The following SOX5 variants were observed in gnomAD, a reference collection of about 807,000 sequenced individuals.
SOX5 encodes SRY-box transcription factor 5, also known as transcription factor SOX-5.
In SOX5, 9 loss-of-function variants were observed where a neutral mutation model predicts 92.0. The observed-to-expected ratio is 0.10, with a 90% CI of 0.06 to 0.17. The LOEUF is 0.17. SOX5 is among the 10% of genes least tolerant of loss of function. SOX5 has a pLI of 1.00. For missense variants in SOX5, 642 were observed against 944.5 expected, an observed-to-expected ratio of 0.68 and a Z score of 4.20; for synonymous variants, 344 against 336.3, an observed-to-expected ratio of 1.02 and a Z score of -0.25.
intron 13 of SOX5, among the ~76,000 whole-genome samples, chr12:23,541,880 G>C (rs192040257): frequency 6.6e-6 from 1 of 152,208 alleles, no homozygotes; most frequent in Admixed American, 6.5e-5. Flanking sequence ...GGAGGCCAAG[G>C]TGGGCGGATC....
At chr12:23,956,086 A>C (rs1228391360) in intron 4 of SOX5, among the ~76,000 whole-genome samples, 1 of 152,180 alleles carries the variant, frequency 6.6e-6, no homozygotes, top group Non-Finnish European at 1.5e-5. Flanking sequence ...ACCTGAGGTA[A>C]GTATGAAAAT....
intron 1 of SOX5, among the ~76,000 whole-genome samples, chr12:24,381,748 T>C (rs1957853297): frequency 6.6e-6 from 1 of 152,196 alleles, no homozygotes; most frequent in African/African-American, 2.4e-5. Flanking sequence ...AGTTTTTTGT[T>C]CAAATATCAA....
chr12:24,159,357 C>T (rs1157876028), intron 4 of SOX5, among the ~76,000 whole-genome samples: 1 of 151,892 alleles, frequency 6.6e-6, no homozygotes, highest in Non-Finnish European at 1.5e-5. Context: ...ATTCAACTCT[C>T]TGTTCTTAAA....
intron 1 of SOX5, among the ~76,000 whole-genome samples, chr12:23,947,731 G>A (rs2139743643): frequency 6.6e-6 from 1 of 151,416 alleles, no homozygotes; most frequent in South Asian, 2.1e-4. Context: ...CCACCAGGAG[G>A]AAAAAAGATG....
chr12:24,544,090 A>C (rs1449975633), intron 1 of SOX5, among the ~76,000 whole-genome samples: 1 of 152,214 alleles, frequency 6.6e-6, no homozygotes, highest in Non-Finnish European at 1.5e-5. Context: ...AAGAAATTTA[A>C]AGCAACCAGT....
chr12:24,558,380 G>A (rs185425334), intron 1 of SOX5, among the ~76,000 whole-genome samples: 4 of 152,140 alleles, frequency 2.6e-5, no homozygotes, highest in East Asian at 1.9e-4. Flanking sequence ...GCGAAATTCC[G>A]CTAACTCATA....
At chr12:24,439,283 A>G (rs1184308058) in intron 1 of SOX5, among the ~76,000 whole-genome samples, 1 of 152,244 alleles carries the variant, frequency 6.6e-6, no homozygotes, top group Non-Finnish European at 1.5e-5. Context: ...GCATAAACAA[A>G]ACATTTATAT....
intron 2 of SOX5, among the ~76,000 whole-genome samples, chr12:23,892,772 A>G (rs1257386092): frequency 6.6e-6 from 1 of 152,262 alleles, no homozygotes; most frequent in African/African-American, 2.4e-5. Context: ...AAACTGTACT[A>G]ACTTCTAGAA....
chr12:24,098,351 A>G lies in SOX5; in HGVS notation c.-2+114992T>C, dbSNP rs546518078. 5.9e-5 allele frequency among the ~76,000 whole-genome samples: 9 copies of G among 152,214 alleles called. No homozygotes were observed. In the South Asian group the frequency reaches 1.9e-3, roughly 32 times the overall value. ...GTCCACTATTTTTACTCTTATCATA[A>G]TTTTGCAGAGGCAATAGTGCTTTGG... On this transcript the variant is annotated intron_variant, in intron 4 of 4. Transcript: ENST00000446891.
chr12:23,852,995 A>C (rs1352094638), intron 2 of SOX5, among the ~76,000 whole-genome samples: 1 of 151,982 alleles, frequency 6.6e-6, no homozygotes, highest in Non-Finnish European at 1.5e-5. Context: ...GTGGGGAAGA[A>C]AGACATCATT....
At chr12:24,380,224 G>C (rs2136350080) in intron 1 of SOX5, among the ~76,000 whole-genome samples, 1 of 152,332 alleles carries the variant, frequency 6.6e-6, no homozygotes, top group African/African-American at 2.4e-5. Context: ...AAGCTTCTCA[G>C]CTATCTATCC....
At chr12:24,011,932 A>T (rs1016650043) in intron 4 of SOX5, among the ~76,000 whole-genome samples, 1 of 152,204 alleles carries the variant, frequency 6.6e-6, no homozygotes, top group Admixed American at 6.6e-5. Flanking sequence ...TGTAGAAAAA[A>T]AAGAAAAGGT....
chr12:23,916,512 A>G (rs1268389115), intron 1 of SOX5, among the ~76,000 whole-genome samples: 1 of 152,200 alleles, frequency 6.6e-6, no homozygotes, highest in Non-Finnish European at 1.5e-5. Flanking sequence ...GTATATAGAA[A>G]CTATTCAGAC....
chr12:23,943,048 G>A (rs956358682), intron 1 of SOX5, among the ~76,000 whole-genome samples: 3 of 151,966 alleles, frequency 2.0e-5, no homozygotes, highest in Non-Finnish European at 2.9e-5. Context: ...GCCCTAATTC[G>A]TTAGTAGCCA....
At position 24,264,712 on chromosome 12, in the gene SOX5, T is replaced by A. The variant is rs1038829777; in HGVS notation, c.-77+12504A>T. ...CTTAAAAAATCCCTCTGTAAATGTA[T>A]CTGTAAATTCATGGATATGAATTAT... On this transcript the variant is annotated intron_variant, in intron 3 of 4. Transcript: ENST00000446891. 2.0e-5 allele frequency among the ~76,000 whole-genome samples: 3 copies of A among 152,178 alleles called. No homozygotes were observed. The South Asian group carries it at 6.2e-4, about 32-fold the overall frequency.
intron 1 of SOX5, among the ~76,000 whole-genome samples, chr12:24,553,648 C>T (rs1030271445): frequency 4.0e-5 from 6 of 150,666 alleles, no homozygotes; most frequent in Non-Finnish European, 9.0e-5. Context: ...CAGAGTATTT[C>T]GAAAACCTTT....
At chr12:24,305,903 A>G (rs901355929) in intron 2 of SOX5, among the ~76,000 whole-genome samples, 3 of 152,058 alleles carry the variant, frequency 2.0e-5, no homozygotes, top group African/African-American at 4.8e-5. Flanking sequence ...AGCCGATGAA[A>G]GATATTTTAA....
intron 3 of SOX5, among the ~76,000 whole-genome samples, chr12:23,777,240 CA>C (rs2095132478): frequency 1.3e-5 from 2 of 152,124 alleles, no homozygotes; most frequent in Non-Finnish European, 2.9e-5. Flanking sequence ...TTGGATTACT[CA>C]TAATTACAGT....
intron 4 of SOX5, among the ~76,000 whole-genome samples, chr12:24,030,095 G>T (rs1471699086): frequency 6.6e-6 from 1 of 151,826 alleles, no homozygotes; most frequent in Admixed American, 6.6e-5. Flanking sequence ...AATAATGAAG[G>T]GGCTTGGGTT....
Sources: gnomAD v4.1 joint callset for allele counts (sites outside exome capture counted in the v4.1 genomes callset) on GRCh38, gnomAD v4.1.1 for gene constraint, MANE v1.5 for transcripts, NCBI Gene and HGNC (gene_info 2026-07-23, HGNC 2026-07-21) for gene names.